PRAMEF20: variants seen among roughly 807,000 people sequenced by gnomAD.
PRAMEF20 encodes the protein PRAME family member 20/21.
A neutral mutation model predicts 32.4 loss-of-function variants in PRAMEF20; 27 were observed. That is an observed-to-expected ratio of 0.83 (90% CI 0.61 to 1.15). The LOEUF is 1.15. Ranked by LOEUF, PRAMEF20 falls within the 50% of genes most tolerant of loss-of-function variation. The probability of loss-of-function intolerance (pLI) is 0.00; values close to 1 mark genes in which losing one functional copy is unlikely to be tolerated. For missense variants in PRAMEF20, 604 were observed against 584.5 expected (o/e 1.03, Z -0.34); for synonymous variants, 256 against 235.4 (o/e 1.09, Z -0.80).
chr1:13,421,038 G>T (rs948196809), exon 3 of PRAMEF20: 3 of 1,613,788 alleles, frequency 1.9e-6, no homozygotes, highest in East Asian at 2.2e-5. Flanking sequence ...CACACAATCA[G>T]ACTCAACAAC....
chr1:13,416,539 T>G, exon 1 of PRAMEF20: 1 of 1,614,152 alleles, frequency 6.2e-7, no homozygotes, highest in Non-Finnish European at 8.5e-7. Context: ...TGGCCTTTCC[T>G]CCGCCTTCCT....
intron 2 of PRAMEF20, 115 bp from the exon 4 acceptor site, chr1:13,420,582 A>G: frequency 1.4e-6 from 2 of 1,400,370 alleles, no homozygotes; most frequent in Non-Finnish European, 1.0e-6. Flanking sequence ...AGACAATCAG[A>G]ATGACCCTGG....
At chr1:13,420,653 C>A in intron 2 of PRAMEF20, 44 bp from the exon 4 acceptor site, 1 of 1,613,284 alleles carries the variant, frequency 6.2e-7, no homozygotes, top group Non-Finnish European at 8.5e-7. Flanking sequence ...CCTCCACTCA[C>A]CCCTACGATT....
At chr1:13,418,369 C>T in exon 2 of PRAMEF20, 2 of 1,613,856 alleles carry the variant, frequency 1.2e-6, no homozygotes, top group Admixed American at 3.3e-5. Context: ...AGGTTTAGTA[C>T]ACCTGTGCTG....
At chr1:13,416,371 C>T (rs1184362556) in exon 1 of PRAMEF20, 2 of 1,613,048 alleles carry the variant, frequency 1.2e-6, no homozygotes, top group Admixed American at 3.3e-5. Context: ...ATCCGGACTC[C>T]ACCCAGACTC....
chr1:13,420,346 A>G (rs1282035473), intron 2 of PRAMEF20, among the ~76,000 whole-genome samples: 1 of 152,030 alleles, frequency 6.6e-6, no homozygotes. Flanking sequence ...AAGTAGCTGG[A>G]ATTACAGGCG....
upstream of PRAMEF20, among the ~76,000 whole-genome samples, chr1:13,412,036 ATTT>A (rs1641119463): frequency 2.5e-5 from 2 of 79,842 alleles, no homozygotes; most frequent in African/African-American, 1.5e-4. Flanking sequence ...AATTTATTTT[ATTT>A]ATTTATTTAT....
upstream of PRAMEF20, among the ~76,000 whole-genome samples, chr1:13,411,867 T>C (rs992974090): frequency 6.6e-6 from 1 of 152,140 alleles, no homozygotes; most frequent in Non-Finnish European, 1.5e-5. Context: ...CCGAGTTGCA[T>C]GAAAATTGAC....
upstream of PRAMEF20, among the ~76,000 whole-genome samples, chr1:13,414,047 T>G (rs948390628): frequency 4.1e-4 from 63 of 152,232 alleles, no homozygotes; most frequent in African/African-American, 1.5e-3. Flanking sequence ...GTTTTTTGTT[T>G]ATTTGTTTGT....
chr1:13,417,908 ATTTGTGTGTGTGTG>A (rs1265438825), intron 1 of PRAMEF20, among the ~76,000 whole-genome samples, 200 bp from the exon 3 acceptor site: 5 of 42,510 alleles, frequency 1.2e-4, no homozygotes, highest in South Asian at 9.7e-4. Context: ...CGCCCGGCTA[ATTTGTGTGTGTGTG>A]TGTGTGTGTG....
chr1:13,416,555 G>C (rs761392930), exon 1 of PRAMEF20: 1 of 1,614,022 alleles, frequency 6.2e-7, no homozygotes, highest in Non-Finnish European at 8.5e-7. Context: ...TTCCTCTGGG[G>C]TCTCTGATGA....
chr1:13,417,910 T>TATGTGTGTGTGTGTGTG (rs1369049111), intron 1 of PRAMEF20, among the ~76,000 whole-genome samples: 3 of 124,218 alleles, frequency 2.4e-5, no homozygotes, highest in Admixed American at 8.6e-5. Flanking sequence ...CCCGGCTAAT[T>TATGTGTGTGTGTGTGTG]TGTGTGTGTG....
intron 1 of PRAMEF20, 55 bp from the exon 3 acceptor site, chr1:13,418,067 C>T: frequency 6.2e-7 from 1 of 1,609,466 alleles, no homozygotes; most frequent in Non-Finnish European, 8.5e-7. Context: ...AGCCACTGAG[C>T]CCAGCCTCAG....
At chr1:13,416,340 T>G, upstream of PRAMEF20, 1 of 1,612,290 alleles carries the variant, frequency 6.2e-7, no homozygotes, top group Non-Finnish European at 8.5e-7. Context: ...AACTTTTCTT[T>G]GCAGATTCAG....
exon 2 of PRAMEF20, chr1:13,418,477 A>C: frequency 1.2e-6 from 2 of 1,613,906 alleles, no homozygotes; most frequent in Non-Finnish European, 1.7e-6. Context: ...AGTGAATTGC[A>C]ATTGGACACT....
chr1:13,418,771 T>C lies in PRAMEF20; in HGVS notation c.866+71T>C. Reference sequence around the variant, plus strand: ...TTCTTGTTACAGGGGGCATCTACTGTGAGCCAGCCTATGAGGATGTAACAG... The same window carrying C: ...TTCTTGTTACAGGGGGCATCTACTGCGAGCCAGCCTATGAGGATGTAACAG... On this transcript the variant is annotated intron_variant, in intron 2 of 2. Transcript: ENST00000602960. 6 of 1,606,864 alleles carry C rather than the reference T, an allele frequency of 3.7e-6. No individual in the cohort carries two copies. The South Asian group carries it at 5.5e-5, about 15-fold the overall frequency.
At chr1:13,415,165 C>T (rs1176593850), upstream of PRAMEF20, among the ~76,000 whole-genome samples, 6 of 145,304 alleles carry the variant, frequency 4.1e-5, no homozygotes, top group Admixed American at 2.1e-4. Flanking sequence ...CTGTAACCTC[C>T]GCCTCCCGGG....
rs1316829280 is a variant in PRAMEF20, at chr1:13,417,527, C to T, written c.288-595C>T. Reference sequence around the variant, plus strand: ...CTGAGGCAGGAGAATTGCTTGAACCCGGGAGCTGGAGGTTGCAGTGAGGCG... The same window carrying T: ...CTGAGGCAGGAGAATTGCTTGAACCTGGGAGCTGGAGGTTGCAGTGAGGCG... On this transcript the variant is annotated intron_variant, in intron 1 of 2. Transcript: ENST00000602960. 2.0e-5 allele frequency among the ~76,000 whole-genome samples: 3 copies of T among 150,998 alleles called. No homozygotes were observed. In the East Asian group the frequency reaches 6.1e-4, roughly 30 times the overall value.
chr1:13,420,869 G>C, exon 3 of PRAMEF20: 2 of 1,613,914 alleles, frequency 1.2e-6, no homozygotes, highest in Middle Eastern at 1.7e-4. Context: ...CCTAGAAAAA[G>C]TTGCAGCCAC....
Sources: allele counts gnomAD v4.1 joint callset (sites outside exome capture counted in the v4.1 genomes callset), GRCh38; gene constraint gnomAD v4.1.1; transcripts MANE v1.5; gene names NCBI Gene and HGNC (gene_info 2026-07-23, HGNC 2026-07-21).